The following TBCA variants were observed in gnomAD, a reference collection of about 807,000 sequenced individuals.
TBCA encodes tubulin-specific chaperone A.
In TBCA, 6 loss-of-function variants were observed where a neutral mutation model predicts 15.8. The observed-to-expected ratio is 0.38, with a 90% CI of 0.21 to 0.75. The LOEUF is 0.75. Ranked by LOEUF, TBCA falls within the 30% of genes least tolerant of loss-of-function variation. The probability of loss-of-function intolerance (pLI) is 0.46; values close to 1 mark genes in which losing one functional copy is unlikely to be tolerated. For synonymous variants in TBCA, 32 were observed against 42.3 expected, an observed-to-expected ratio of 0.76 and a Z score of 0.94; for missense variants, 90 against 131.2, an observed-to-expected ratio of 0.69 and a Z score of 1.53.
intron 1 of TBCA, among the ~76,000 whole-genome samples, chr5:77,710,644 T>C (rs1746258139): frequency 6.6e-6 from 1 of 152,184 alleles, no homozygotes; most frequent in South Asian, 2.1e-4. Context: ...GAGGGCTGCA[T>C]TCCCACTACT....
chr5:77,711,257 A>G (rs1746272512), intron 1 of TBCA, among the ~76,000 whole-genome samples: 1 of 152,208 alleles, frequency 6.6e-6, no homozygotes, highest in Non-Finnish European at 1.5e-5. Flanking sequence ...TTTTCATGCT[A>G]TAAGAGCAGA....
At chr5:77,776,058 G>T in intron 1 of TBCA, 147 bp downstream of exon 1, 1 of 960,218 alleles carries the variant, frequency 1.0e-6, no homozygotes, top group Non-Finnish European at 1.5e-6. Context: ...CTGGGTCCCT[G>T]CCAGTCCCAG....
intron 1 of TBCA, among the ~76,000 whole-genome samples, chr5:77,714,937 C>T (rs1218599737): frequency 1.3e-5 from 2 of 152,110 alleles, no homozygotes; most frequent in Non-Finnish European, 2.9e-5. Flanking sequence ...CAATGAACTA[C>T]AAAAATCCCT....
chr5:77,771,178 T>G, intron 1 of TBCA, among the ~76,000 whole-genome samples: 1 of 151,870 alleles, frequency 6.6e-6, no homozygotes, highest in Non-Finnish European at 1.5e-5. Context: ...TACATACATT[T>G]CTCTAGTTTC....
intron 1 of TBCA, among the ~76,000 whole-genome samples, chr5:77,720,579 T>TGG (rs1746509107): frequency 6.6e-6 from 1 of 152,104 alleles, no homozygotes. Flanking sequence ...CCAGGCGTGG[T>TGG]GGCGGGCCCC....
intron 1 of TBCA, among the ~76,000 whole-genome samples, chr5:77,749,339 C>T (rs557975991): frequency 6.6e-6 from 1 of 152,294 alleles, no homozygotes; most frequent in South Asian, 2.1e-4. Flanking sequence ...AATACTGCAT[C>T]TTTACACTTG....
At chr5:77,766,052 CTT>C (rs768623488) in intron 1 of TBCA, among the ~76,000 whole-genome samples, 12 of 152,118 alleles carry the variant, frequency 7.9e-5, no homozygotes, top group African/African-American at 2.2e-4. Context: ...AACCTTTGCT[CTT>C]TTGTTTCCCT....
chr5:77,725,006 TTC>T (rs1006347341), intron 1 of TBCA, among the ~76,000 whole-genome samples: 80 of 152,292 alleles, frequency 5.3e-4, no homozygotes, highest in Admixed American at 1.7e-3. Flanking sequence ...TCACAACCTT[TTC>T]TTTCTTCCAT....
intron 1 of TBCA, among the ~76,000 whole-genome samples, chr5:77,763,808 TAGGGC>T (rs1195520011): frequency 6.6e-6 from 1 of 152,190 alleles, no homozygotes; most frequent in African/African-American, 2.4e-5. Context: ...GGTATGTTGT[TAGGGC>T]AGCTTGAACT....
chr5:77,727,721 A>C (rs1319382839), intron 1 of TBCA, among the ~76,000 whole-genome samples: 1 of 152,204 alleles, frequency 6.6e-6, no homozygotes, highest in Non-Finnish European at 1.5e-5. Flanking sequence ...TATAGCCCAA[A>C]TACATACAAG....
chr5:77,761,801 T>C (rs3236), intron 1 of TBCA, among the ~76,000 whole-genome samples: 34,661 of 152,078 alleles, frequency 0.23, 4,664 homozygotes, highest in Non-Finnish European at 0.31. Context: ...ACTTTGTTTT[T>C]GTCTCTTCAC....
Position 77,691,512 on chromosome 5 carries a change from C to T in TBCA, c.247-14G>A. 1 of 1,570,618 alleles carries T rather than the reference C, an allele frequency of 6.4e-7. No individual in the cohort carries two copies. The highest frequency in any genetic ancestry group is 8.6e-7 in the Non-Finnish European group (1 of 1,160,836). On this transcript the variant is annotated splice_polypyrimidine_tract_variant and intron_variant, in intron 3 of 3. Transcript: ENST00000380377. The stretch of plus-strand genomic sequence containing the variant: ...TTTTTCATTTTCCTAAAATGAAATA[C>T]AATAAAAATTAAGTTTATCCTTTTC...
At chr5:77,760,525 T>C (rs1747593324) in intron 1 of TBCA, among the ~76,000 whole-genome samples, 1 of 152,102 alleles carries the variant, frequency 6.6e-6, no homozygotes, top group African/African-American at 2.4e-5. Flanking sequence ...CGGGCTCCCA[T>C]GATTCTCCTG....
At chr5:77,695,314 C>T (rs1465482356) in intron 2 of TBCA, among the ~76,000 whole-genome samples, 2 of 152,196 alleles carry the variant, frequency 1.3e-5, no homozygotes, top group African/African-American at 4.8e-5. Context: ...CTCTCCCATA[C>T]ACTACCCCAA....
intron 1 of TBCA, among the ~76,000 whole-genome samples, chr5:77,770,453 G>C (rs353917): frequency 0.44 from 66,816 of 151,816 alleles, 14,863 homozygotes; most frequent in East Asian, 0.52. Context: ...CAGAAGAGGT[G>C]ACCAATCATT....
In TBCA at chr5:77,744,531, C is replaced by CTTTTTTTT. The variant is rs70991305; in HGVS notation, c.53+31666_53+31673dup. Among the ~76,000 whole-genome samples the CTTTTTTTT allele has an allele frequency of 6.0e-4, 50 of 82,964 alleles. 1 individual carries two copies. The highest frequency in any genetic ancestry group is 7.1e-4 in the East Asian group (2 of 2,832). 54.4% of individuals were successfully genotyped at this position (82,964 alleles called of 152,430 possible). ...CCAGAAAACAGAATGTCTTATTCAC[C>CTTTTTTTT]TTTTTTTTTTTTTTTTTTTTTTTGA... is the stretch of plus-strand genomic sequence containing the variant. On this transcript the variant is annotated intron_variant, in intron 1 of 3. Coordinates refer to ENST00000380377, the MANE Select transcript of TBCA (RefSeq NM_004607.3).
chr5:77,718,076 GCTGAGATCGCACAA>G (rs1338017784), intron 1 of TBCA, among the ~76,000 whole-genome samples: 1 of 152,186 alleles, frequency 6.6e-6, no homozygotes, highest in Non-Finnish European at 1.5e-5. Flanking sequence ...GTTGTGGTGA[GCTGAGATCGCACAA>G]CTGCACTCCA....
intron 3 of TBCA, chr5:77,693,063 G>A: frequency 6.9e-7 from 1 of 1,442,872 alleles, no homozygotes; most frequent in African/African-American, 1.4e-5. Flanking sequence ...GAACAAACAT[G>A]CTAGAAAACA....
intron 1 of TBCA, among the ~76,000 whole-genome samples, chr5:77,769,662 G>C (rs1276396232): frequency 6.7e-6 from 1 of 148,312 alleles, no homozygotes; most frequent in Non-Finnish European, 1.5e-5. Flanking sequence ...AACAATGCTT[G>C]CTTTATTAAA....
Sources: allele counts gnomAD v4.1 joint callset (sites outside exome capture counted in the v4.1 genomes callset), GRCh38; gene constraint gnomAD v4.1.1; transcripts MANE v1.5; gene names NCBI Gene and HGNC (gene_info 2026-07-23, HGNC 2026-07-21).